Variants in CRTC1 observed in about 807,000 individuals in gnomAD.
CRTC1 encodes the protein CREB regulated transcription coactivator 1.
Under a neutral mutation model 66.1 loss-of-function variants are expected in CRTC1, and 18 were observed. The observed-to-expected ratio is 0.27, with a 90% CI of 0.19 to 0.40. The LOEUF is 0.40. Ranked by LOEUF, CRTC1 falls within the 10% of genes least tolerant of loss-of-function variation. The probability of loss-of-function intolerance (pLI) is 1.00; values close to 1 mark genes in which losing one functional copy is unlikely to be tolerated. For synonymous variants in CRTC1, 416 were observed against 398.8 expected (o/e 1.04, Z -0.51); for missense variants, 669 against 887.9 (o/e 0.75, Z 3.13).
rs1268777784 is a variant in CRTC1, at chr19:18,742,983, A to G, written c.200A>G (p.Asn67Ser). Residue 67 changes from asparagine to serine, a missense_variant, in exon 2 of 14, where the codon AAC becomes AGC. This residue lies in a region of CRTC1 where 214 missense variants were observed against 323.4 expected (regional missense o/e 0.66). Coordinates refer to ENST00000321949, the MANE Select transcript of CRTC1 (RefSeq NM_015321.3). ...RGQYYGGSLPNVNQIGSGTMD... is the reference protein window; with the variant it reads ...RGQYYGGSLPSVNQIGSGTMD... ...CAGTACTATGGCGGGTCCCTGCCCA[A>G]CGTGAACCAGATCGGGAGTGGCACC... 1 of 1,613,180 alleles carries G rather than the reference A, an allele frequency of 6.2e-7. No individual in the cohort carries two copies.
At chr19:18,759,964 C>T (rs1357150652) in intron 7 of CRTC1, 44 bp from the exon 8 acceptor site, 18 of 1,480,626 alleles carry the variant, frequency 1.2e-5, no homozygotes, top group Non-Finnish European at 1.6e-5. Context: ...CCGCCAGCCC[C>T]GCCCCATGAG....
intron 1 of CRTC1, among the ~76,000 whole-genome samples, chr19:18,707,356 A>T (rs1265261341): frequency 2.0e-5 from 3 of 152,176 alleles, no homozygotes; most frequent in Non-Finnish European, 4.4e-5. Flanking sequence ...TGTTGAAAAG[A>T]CTGTCCCTTC....
chr19:18,691,142 C>T (rs1453891701), intron 1 of CRTC1, among the ~76,000 whole-genome samples: 1 of 146,022 alleles, frequency 6.8e-6, no homozygotes, highest in African/African-American at 2.6e-5. Context: ...TTTGAGGTTA[C>T]AGTGAATTAT....
rs561696392 is a variant in CRTC1, at chr19:18,702,058, G to A, written c.126+18230G>A. On this transcript the variant is annotated intron_variant, in intron 1 of 13. Coordinates refer to ENST00000321949, the MANE Select transcript of CRTC1 (RefSeq NM_015321.3). ...CCTGTCTCAGCCTCCCGAGTAGCTG[G>A]GATTATAGGCGTGTACCACCACACC... 2.0e-5 allele frequency among the ~76,000 whole-genome samples: 3 copies of A among 151,652 alleles called. No individual in the cohort carries two copies. In the East Asian group the frequency reaches 5.8e-4, roughly 29 times the overall value.
At chr19:18,703,332 C>T (rs959332042) in intron 1 of CRTC1, among the ~76,000 whole-genome samples, 1 of 151,596 alleles carries the variant, frequency 6.6e-6, no homozygotes, top group Non-Finnish European at 1.5e-5. Context: ...CGCTCCTGGC[C>T]CAGTTGTCAC....
intron 1 of CRTC1, among the ~76,000 whole-genome samples, chr19:18,716,817 G>A (rs765256176): frequency 4.6e-4 from 70 of 152,182 alleles, no homozygotes; most frequent in Admixed American, 4.6e-4. Flanking sequence ...GATGTGGCTT[G>A]GGCCAGAATG....
At position 18,777,217 on chromosome 19, in the gene CRTC1, T is replaced by G. The variant is rs144909160; in HGVS notation, c.1740T>G (p.Ser580=). 1,460 of 1,566,922 alleles carry G rather than the reference T, an allele frequency of 9.3e-4. 3 individuals carry two copies. The highest frequency in any genetic ancestry group is 1.2e-3 in the Non-Finnish European group (1,349 of 1,158,296). Residue 580 remains serine, a synonymous_variant, in exon 14 of 14, where the codon TCT becomes TCG. Coordinates refer to ENST00000321949, the MANE Select transcript of CRTC1 (RefSeq NM_015321.3). The surrounding 1 kb of genome is among the most constrained non-coding windows in gnomAD (Gnocchi z 5.5). ...GCCTCTCTAAAGAACTGACCAGCTC[T>G]CTGGCCGGGGTCGGCGACGTCAGCT... ...PPSLSKELTS[S]LAGVGDVSFD...
At chr19:18,774,763 CA>C in intron 11 of CRTC1, 136 bp from the exon 12 acceptor site, 1 of 776,476 alleles carries the variant, frequency 1.3e-6, no homozygotes, top group Non-Finnish European at 2.1e-6. Context: ...TCTGGAACCC[CA>C]AAATAAGCAT....
intron 1 of CRTC1, among the ~76,000 whole-genome samples, chr19:18,685,817 C>T (rs1013597719): frequency 3.9e-5 from 6 of 152,010 alleles, no homozygotes; most frequent in Admixed American, 3.3e-4. Flanking sequence ...GCAGTGTGAC[C>T]GGAAGAAAGG....
At chr19:18,703,127 C>T (rs934556106) in intron 1 of CRTC1, among the ~76,000 whole-genome samples, 7 of 151,946 alleles carry the variant, frequency 4.6e-5, no homozygotes, top group Non-Finnish European at 7.4e-5. Context: ...GGACTACAGG[C>T]GCCTGCCACC....
intron 5 of CRTC1, 91 bp from the exon 6 acceptor site, chr19:18,753,409 C>T (rs918534340): frequency 9.0e-6 from 8 of 893,850 alleles, no homozygotes; most frequent in African/African-American, 6.7e-5. Flanking sequence ...GCCATGACTC[C>T]GTGTGTCAGG....
At chr19:18,774,608 A>G (rs1392585990) in intron 11 of CRTC1, among the ~76,000 whole-genome samples, 1 of 152,124 alleles carries the variant, frequency 6.6e-6, no homozygotes, top group Non-Finnish European at 1.5e-5. Flanking sequence ...GTGGCCCCCA[A>G]CTTCCCTGTG....
intron 1 of CRTC1, among the ~76,000 whole-genome samples, chr19:18,685,642 A>G (rs963675176): frequency 6.6e-6 from 1 of 152,154 alleles, no homozygotes; most frequent in Non-Finnish European, 1.5e-5. Context: ...GGGTGACAAG[A>G]GTGAAACTCC....
chr19:18,699,724 C>T (rs903227095), intron 1 of CRTC1, among the ~76,000 whole-genome samples: 1 of 152,312 alleles, frequency 6.6e-6, no homozygotes. Flanking sequence ...CCTCGCCTGG[C>T]TCTGGGGGTG....
At chr19:18,708,755 C>G (rs1021015148) in intron 1 of CRTC1, among the ~76,000 whole-genome samples, 1 of 152,196 alleles carries the variant, frequency 6.6e-6, no homozygotes, top group African/African-American at 2.4e-5. Flanking sequence ...CCCTTCCCAC[C>G]GCCGTTCGGG....
rs141210276 is a variant in CRTC1, at chr19:18,733,581, C to T, written c.127-9329C>T. On this transcript the variant is annotated intron_variant, in intron 1 of 13. Coordinates refer to ENST00000321949, the MANE Select transcript of CRTC1 (RefSeq NM_015321.3). ...AGACTCAGCCTGGAATCCACGTGCC[C>T]CTGATGCTCTCATCATCATTCCCTA... 5.8e-3 allele frequency among the ~76,000 whole-genome samples: 876 copies of T among 152,284 alleles called. 7 individuals are homozygous for T. Among genetic ancestry groups the T allele is most frequent in the African/African-American group, 0.02 (827 of 41,536 alleles).
Position 18,698,229 on chromosome 19 carries a change from G to C in CRTC1, c.126+14401G>C, listed in dbSNP as rs988596838. ...CAAGTGCTTAGTAGGTGCACAGTGT[G>C]TACTCAGCAGGCACTCAGCAGGCAC... On this transcript the variant is annotated intron_variant, in intron 1 of 13. Transcript: ENST00000321949. Among the ~76,000 whole-genome samples the C allele has an allele frequency of 5.6e-4, 85 of 151,664 alleles. 1 individual carries two copies. The highest frequency in any genetic ancestry group is 1.8e-4 in the Non-Finnish European group (12 of 67,958).
chr19:18,763,452 G>A (rs1372744970), intron 8 of CRTC1, among the ~76,000 whole-genome samples: 1 of 152,214 alleles, frequency 6.6e-6, no homozygotes, highest in Non-Finnish European at 1.5e-5. Context: ...GGGAACAAGG[G>A]CCCTACCGTC....
rs549423710 is a variant in CRTC1, at chr19:18,687,110, A to C, written c.126+3282A>C. On this transcript the variant is annotated intron_variant, in intron 1 of 13. Coordinates refer to ENST00000321949, the MANE Select transcript of CRTC1 (RefSeq NM_015321.3). Reference sequence around the variant, plus strand: ...GGCTCACTGCAACCTCTGCCTCCCGAGTTCAAGTGATTCTCCTTCCTCAGC... The same window carrying C: ...GGCTCACTGCAACCTCTGCCTCCCGCGTTCAAGTGATTCTCCTTCCTCAGC... Among the ~76,000 whole-genome samples, 217 of 144,062 alleles carry C rather than the reference A, an allele frequency of 1.5e-3. 1 individual carries two copies. The highest frequency in any genetic ancestry group is 0.015 in the Admixed American group (199 of 13,512). The allele number at this position is 144,062 out of a possible 152,430, so 94.5% of individuals were successfully genotyped here.
Sources: gnomAD v4.1 joint callset for allele counts (sites outside exome capture counted in the v4.1 genomes callset) on GRCh38, gnomAD v4.1.1 for gene constraint, gnomAD v4.1.1 regional missense constraint, Gnocchi (gnomAD v3.1) non-coding constraint, MANE v1.5 for transcripts, NCBI Gene and HGNC (gene_info 2026-07-23, HGNC 2026-07-21) for gene names.